TMIGD3: variants seen among roughly 807,000 people sequenced by gnomAD.
TMIGD3 encodes the protein AD026 protein (AD026).
Under a neutral mutation model 28.1 loss-of-function variants are expected in TMIGD3, and 21 were observed. That is an observed-to-expected ratio of 0.75 (90% CI 0.53 to 1.08). The LOEUF (loss-of-function observed/expected upper bound fraction) is 1.08. Ranked by LOEUF, TMIGD3 falls within the 50% of genes least tolerant of loss-of-function variation. The pLI, the probability that TMIGD3 is intolerant of heterozygous loss-of-function variation, is 0.00. For synonymous variants in TMIGD3, 151 were observed against 162.1 expected (o/e 0.93, Z 0.52); for missense variants, 416 against 435.6 (o/e 0.96, Z 0.40).
chr1:111,534,083 C>A (rs12028611), intron 1 of TMIGD3, among the ~76,000 whole-genome samples: 1 of 151,804 alleles, frequency 6.6e-6, no homozygotes, highest in Non-Finnish European at 1.5e-5. Context: ...ATAATAAGAA[C>A]GATATAGATA....
chr1:111,519,097 C>A (rs909857609), intron 1 of TMIGD3, among the ~76,000 whole-genome samples: 6 of 152,140 alleles, frequency 3.9e-5, no homozygotes, highest in Non-Finnish European at 2.9e-5. Context: ...TGCCACCACG[C>A]CTGGCTAATT....
intron 1 of TMIGD3, among the ~76,000 whole-genome samples, chr1:111,491,524 A>T (rs1008581313): frequency 6.6e-6 from 1 of 152,244 alleles, no homozygotes; most frequent in Admixed American, 6.5e-5. Flanking sequence ...ATCAAGGGTC[A>T]TACATAGATT....
At chr1:111,533,526 C>T (rs1246454506) in intron 1 of TMIGD3, among the ~76,000 whole-genome samples, 1 of 152,146 alleles carries the variant, frequency 6.6e-6, no homozygotes, top group Non-Finnish European at 1.5e-5. Context: ...TAGAATATTT[C>T]TGTACTTACA....
intron 1 of TMIGD3, among the ~76,000 whole-genome samples, chr1:111,498,723 T>C (rs1488328834): frequency 6.6e-6 from 1 of 152,202 alleles, no homozygotes; most frequent in Non-Finnish European, 1.5e-5. Context: ...ATGATCATTA[T>C]AGTGGTACCT....
chr1:111,492,954 A>G (rs927900537), intron 1 of TMIGD3, among the ~76,000 whole-genome samples: 2 of 152,152 alleles, frequency 1.3e-5, no homozygotes, highest in Non-Finnish European at 2.9e-5. Context: ...ATTTAGATGT[A>G]TAAATAGGAA....
intron 1 of TMIGD3, among the ~76,000 whole-genome samples, chr1:111,556,880 G>A (rs1415236451): frequency 6.7e-6 from 1 of 149,838 alleles, no homozygotes; most frequent in Non-Finnish European, 1.5e-5. Flanking sequence ...CTTAGAAATA[G>A]TTAAAATGGT....
At position 111,534,020 on chromosome 1, in the gene TMIGD3, T is replaced by C. The variant is rs1033763304; in HGVS notation, c.107+29826A>G. On this transcript the variant is annotated intron_variant, in intron 1 of 5. Coordinates refer to the TMIGD3 transcript ENST00000369717. ...ATACTATTAGTATCCACTTCATAGA[T>C]TTGTTCTGAGGATAAGTTAATAAAT... 5.9e-5 allele frequency among the ~76,000 whole-genome samples: 9 copies of C among 152,190 alleles called. No individual in the cohort carries two copies. In the East Asian group the frequency reaches 1.7e-3, roughly 29 times the overall value.
Position 111,509,778 on chromosome 1 carries a change from A to G in TMIGD3, c.108-19016T>C, listed in dbSNP as rs534418991. Among the ~76,000 whole-genome samples, 22 of 152,356 alleles carry G rather than the reference A, an allele frequency of 1.4e-4. No homozygotes were observed. The East Asian group carries it at 4.0e-3, about 28-fold the overall frequency. ...TGCCATTGATAAAATGCCAATTCAC[A>G]TGTGCCAGGCACTATGCCAGGTGTT... On this transcript the variant is annotated intron_variant, in intron 1 of 5. Coordinates refer to the TMIGD3 transcript ENST00000369717.
intron 1 of TMIGD3, among the ~76,000 whole-genome samples, chr1:111,560,914 T>A (rs1657712802): frequency 6.6e-6 from 1 of 152,208 alleles, no homozygotes; most frequent in South Asian, 2.1e-4. Flanking sequence ...CAATTTGCTC[T>A]TCCTCCTGTA....
At chr1:111,503,733 C>T, upstream of TMIGD3, 1 of 1,039,192 alleles carries the variant, frequency 9.6e-7, no homozygotes, top group Non-Finnish European at 1.2e-6. Flanking sequence ...GATAAGCAAC[C>T]CTCTTCAGGG....
intron 1 of TMIGD3, among the ~76,000 whole-genome samples, chr1:111,541,961 G>GTT (rs1656843160): frequency 1.3e-5 from 2 of 152,082 alleles, no homozygotes; most frequent in Non-Finnish European, 2.9e-5. Context: ...CAACTGGAGA[G>GTT]GAAAGGCAAG....
At chr1:111,509,278 T>C (rs2100992608) in intron 1 of TMIGD3, among the ~76,000 whole-genome samples, 1 of 152,326 alleles carries the variant, frequency 6.6e-6, no homozygotes, top group Admixed American at 6.5e-5. Flanking sequence ...CCTTCCCCTC[T>C]TGTGAGCTCA....
chr1:111,495,552 C>G (rs1163995264), intron 1 of TMIGD3, among the ~76,000 whole-genome samples: 1 of 152,006 alleles, frequency 6.6e-6, no homozygotes, highest in African/African-American at 2.4e-5. Context: ...CTAATTGAAC[C>G]AATTACTAAA....
At chr1:111,497,180 G>A (rs563881345) in intron 1 of TMIGD3, among the ~76,000 whole-genome samples, 66 of 152,134 alleles carry the variant, frequency 4.3e-4, no homozygotes, top group African/African-American at 1.5e-3. Context: ...GCACGATCTC[G>A]GCTCACTGCA....
rs1164655225 is a variant in TMIGD3 at position 111,500,516 on chromosome 1, G to T, written c.350+2489C>A. The T allele has an allele frequency of 1.9e-6, 3 of 1,614,230 alleles. No individual in the cohort carries two copies. In the Admixed American group the frequency reaches 5.0e-5, roughly 27 times the overall value. On this transcript the variant is annotated intron_variant, in intron 1 of 5. Coordinates refer to ENST00000369716, the MANE Select transcript of TMIGD3 (RefSeq NM_020683.7). ...AATGACACCAGCCAGCAAAGGCCCA[G>T]GGCCAGCCATATTCTTCTGTGAGTG...
intron 1 of TMIGD3, among the ~76,000 whole-genome samples, chr1:111,548,629 T>C (rs149420170): frequency 5.9e-4 from 90 of 152,346 alleles, no homozygotes; most frequent in African/African-American, 2.0e-3. Flanking sequence ...TCGTTGATCC[T>C]CTTCAATTAG....
At chr1:111,500,298 G>T in intron 1 of TMIGD3, 1 of 1,614,228 alleles carries the variant, frequency 6.2e-7, no homozygotes, top group Non-Finnish European at 8.5e-7. Context: ...TGTTCCGAAT[G>T]ATGTAAAAGA....
At chr1:111,542,444 A>G (rs1656869576) in intron 1 of TMIGD3, 1 of 217,710 alleles carries the variant, frequency 4.6e-6, no homozygotes, top group Non-Finnish European at 9.6e-6. Context: ...CGCCCTTAAG[A>G]GAGCAAGTCG....
intron 1 of TMIGD3, among the ~76,000 whole-genome samples, chr1:111,516,882 C>G (rs1393627268): frequency 6.6e-6 from 1 of 152,198 alleles, no homozygotes; most frequent in Non-Finnish European, 1.5e-5. Context: ...CTTAACACAG[C>G]TAGTATTGGG....
Sources: gnomAD v4.1 joint callset for allele counts (sites outside exome capture counted in the v4.1 genomes callset) on GRCh38, gnomAD v4.1.1 for gene constraint, MANE v1.5 for transcripts, NCBI Gene and HGNC (gene_info 2026-07-23, HGNC 2026-07-21) for gene names.